Variants in UBASH3A observed in about 807,000 individuals in gnomAD.
The protein encoded by UBASH3A is ubiquitin-associated and SH3 domain-containing protein A.
A neutral mutation model predicts 73.5 loss-of-function variants in UBASH3A; 63 were observed. The observed-to-expected ratio is 0.86, with a 90% CI of 0.70 to 1.06. The LOEUF is 1.06. Ranked by LOEUF, UBASH3A falls within the 50% of genes least tolerant of loss-of-function variation. The pLI is 0.00. For missense variants in UBASH3A, 860 were observed against 859.0 expected (o/e 1.00, Z -0.02); for synonymous variants, 363 against 351.1 (o/e 1.03, Z -0.38).
At chr21:42,412,877 G>A (rs2053128025) in intron 3 of UBASH3A, 147 bp from the exon 4 acceptor site, 1 of 752,244 alleles carries the variant, frequency 1.3e-6, no homozygotes, top group Non-Finnish European at 2.2e-6. Context: ...CATAACCCCA[G>A]ACACAAAGGG....
At chr21:42,407,668 G>A (rs1460118219) in intron 2 of UBASH3A, among the ~76,000 whole-genome samples, 6 of 152,222 alleles carry the variant, frequency 3.9e-5, no homozygotes, top group African/African-American at 7.2e-5. Flanking sequence ...GGCCTCACAC[G>A]TCACTGGTGT....
At position 42,418,514 on chromosome 21, in the gene UBASH3A, G is replaced by C. The variant is rs759219419; in HGVS notation, c.951G>C (p.Trp317Cys). The C allele has an allele frequency of 2.5e-6, 4 of 1,614,230 alleles. No homozygotes were observed. The highest frequency in any genetic ancestry group is 3.4e-6 in the Non-Finnish European group (4 of 1,180,026). ...AGCAGGACGAAGCCAGCGAGGGCTG[G>C]GTGATTGGGATCTCACAGCGGACGG... is the stretch of plus-strand genomic sequence containing the variant. ...PTQQDEASEG[W>C]VIGISQRTGC... is the part of the protein sequence containing the mutation. The change falls in exon 7 of 15, where the codon TGG becomes TGC. Residue 317 changes from tryptophan (W) to cysteine (C), a missense_variant. Physicochemically the swap from Trp to Cys is radical, Grantham distance 215 (BLOSUM62 -2). Coordinates refer to ENST00000319294, the MANE Select transcript of UBASH3A (RefSeq NM_018961.4).
intron 9 of UBASH3A, among the ~76,000 whole-genome samples, chr21:42,433,106 G>GA (rs139935880): frequency 0.045 from 6,811 of 152,060 alleles, 483 homozygotes; most frequent in African/African-American, 0.15. Context: ...CATAGAAAAA[G>GA]AAAAAATATT....
rs879281049 is a variant in UBASH3A at position 42,420,590 on chromosome 21, G to A, written c.1046+1981G>A. Among the ~76,000 whole-genome samples, 25 of 152,068 alleles carry A rather than the reference G, an allele frequency of 1.6e-4. 1 individual carries two copies. The highest frequency in any genetic ancestry group is 4.3e-4 in the African/African-American group (18 of 41,380). ...CAATGAATTGCCTTATGGAATTACT[G>A]GGGCTAGCTAAGCAAGGGCAGACAG... is the stretch of plus-strand genomic sequence containing the variant. On this transcript the variant is annotated intron_variant, in intron 7 of 14. Transcript: ENST00000319294.
At chr21:42,410,114 A>T (rs1309475684) in intron 3 of UBASH3A, 2 of 702,356 alleles carry the variant, frequency 2.8e-6, no homozygotes, top group Non-Finnish European at 5.2e-6. Flanking sequence ...TCCCTGTCTC[A>T]GGGACCAGCC....
At chr21:42,432,960 T>C (rs750641966) in intron 9 of UBASH3A, among the ~76,000 whole-genome samples, 14 of 152,192 alleles carry the variant, frequency 9.2e-5, no homozygotes, top group Non-Finnish European at 1.6e-4. Flanking sequence ...TTAACAAACA[T>C]ATAAGAAACT....
chr21:42,440,986 C>G (rs1324530476), intron 11 of UBASH3A, among the ~76,000 whole-genome samples: 1 of 152,088 alleles, frequency 6.6e-6, no homozygotes, highest in Non-Finnish European at 1.5e-5. Flanking sequence ...AAAAAGCTTT[C>G]AAAAATGTCT....
At chr21:42,411,262 A>G (rs1180862024) in intron 3 of UBASH3A, among the ~76,000 whole-genome samples, 2 of 152,068 alleles carry the variant, frequency 1.3e-5, no homozygotes. Flanking sequence ...ACACACATAC[A>G]CACTACATGT....
chr21:42,411,462 C>T (rs1340205625), intron 3 of UBASH3A, among the ~76,000 whole-genome samples: 1 of 151,948 alleles, frequency 6.6e-6, no homozygotes, highest in African/African-American at 2.4e-5. Flanking sequence ...ATAAGCACCA[C>T]ATGCACACAT....
chr21:42,439,984 C>T (rs1057211820), intron 11 of UBASH3A, among the ~76,000 whole-genome samples: 1 of 136,778 alleles, frequency 7.3e-6, no homozygotes, highest in Non-Finnish European at 1.6e-5. Context: ...CACACCACAC[C>T]CCACACACAC....
chr21:42,408,891 A>T (rs201629468), intron 2 of UBASH3A, among the ~76,000 whole-genome samples: 17,856 of 103,332 alleles, frequency 0.17, 1,360 homozygotes, highest in Non-Finnish European at 0.21. Flanking sequence ...TCAAAAATAA[A>T]ATAAAATAAA....
intron 12 of UBASH3A, 138 bp downstream of exon 12, chr21:42,442,734 A>T: frequency 6.4e-6 from 6 of 930,918 alleles, no homozygotes; most frequent in Non-Finnish European, 7.9e-6. Context: ...CAGGGGAGAG[A>T]GGTGGGGCTC....
At chr21:42,432,775 C>T (rs6586315) in intron 9 of UBASH3A, among the ~76,000 whole-genome samples, 28,165 of 152,096 alleles carry the variant, frequency 0.19, 2,855 homozygotes, top group African/African-American at 0.26. Context: ...GTAGGGAAAA[C>T]CATTGGCAGA....
chr21:42,409,524 G>T lies in UBASH3A; in HGVS notation c.270G>T (p.Glu90Asp), dbSNP rs1379123182. Residue 90 changes from glutamate (E) to aspartate (D), a missense_variant, in exon 3 of 15, where the codon GAG becomes GAT. Glu to Asp is a conservative substitution (Grantham distance 45). Transcript: ENST00000319294. ...GGCCCCTGCTGGAAAAACTTCAAGAGTTCTGGAGAGAGAGCAAGCGCCAGT... is the reference window on the plus strand; with the variant it reads ...GGCCCCTGCTGGAAAAACTTCAAGATTTCTGGAGAGAGAGCAAGCGCCAGT... ...PTGPLLEKLQEFWRESKRQCA... is the reference protein window; with the variant it reads ...PTGPLLEKLQDFWRESKRQCA... 8.7e-6 allele frequency: 14 copies of T among 1,613,986 alleles called. No homozygotes were observed. Among genetic ancestry groups the T allele is most frequent in the African/African-American group, 1.3e-5 (1 of 74,876 alleles).
chr21:42,415,097 T>C (rs1442008763), intron 5 of UBASH3A, among the ~76,000 whole-genome samples: 1 of 152,192 alleles, frequency 6.6e-6, no homozygotes, highest in Non-Finnish European at 1.5e-5. Context: ...AGGTCCCTCT[T>C]GGGGCAAATG....
Position 42,447,139 on chromosome 21 carries a change from T to C in UBASH3A, c.1931T>C (p.Leu644Pro). 1.9e-6 allele frequency: 3 copies of C among 1,614,198 alleles called. No homozygotes were observed. The highest frequency in any genetic ancestry group is 1.7e-5 in the Admixed American group (1 of 60,018). Residue 644 changes from leucine (L) to proline (P), a missense_variant, in exon 15 of 15, where the codon CTG becomes CCG. By Grantham distance (98) the Leu-to-Pro change is moderately conservative (BLOSUM62 -3). Coordinates refer to ENST00000319294, the MANE Select transcript of UBASH3A (RefSeq NM_018961.4). ...TTGGTGAACCCACCGGTGAAGACCCTGACCCACGGGGCGAACGCAGCATTT... is the reference window on the plus strand; with the variant it reads ...TTGGTGAACCCACCGGTGAAGACCCCGACCCACGGGGCGAACGCAGCATTT... ...WELVNPPVKTLTHGANAAFNW... is the reference protein window; with the variant it reads ...WELVNPPVKTPTHGANAAFNW...
At chr21:42,411,506 C>T (rs1479179905) in intron 3 of UBASH3A, among the ~76,000 whole-genome samples, 1 of 151,946 alleles carries the variant, frequency 6.6e-6, no homozygotes, top group Non-Finnish European at 1.5e-5. Context: ...TACACACAGA[C>T]ACACATATAG....
intron 5 of UBASH3A, among the ~76,000 whole-genome samples, chr21:42,414,983 G>T (rs911132787): frequency 2.0e-5 from 3 of 152,168 alleles, no homozygotes; most frequent in Admixed American, 6.5e-5. Context: ...ACCCTAAGCA[G>T]GCTGTGTCCT....
At chr21:42,405,988 G>GGC (rs1555858955) in intron 1 of UBASH3A, among the ~76,000 whole-genome samples, 5,889 of 147,776 alleles carry the variant, frequency 0.04, 548 homozygotes, top group African/African-American at 0.14. Context: ...GGCAGTGGGG[G>GGC]GGGGGGGGGC....
Sources: allele counts gnomAD v4.1 joint callset (sites outside exome capture counted in the v4.1 genomes callset), GRCh38; gene constraint gnomAD v4.1.1; transcripts MANE v1.5; gene names NCBI Gene and HGNC (gene_info 2026-07-23, HGNC 2026-07-21).